The following PYGO1 variants were observed in gnomAD, a reference collection of about 807,000 sequenced individuals.
PYGO1 encodes the protein pygopus family PHD finger 1.
In PYGO1, 6 loss-of-function variants were observed where a neutral mutation model predicts 29.5. The observed-to-expected ratio is 0.20, with a 90% CI of 0.11 to 0.40. The LOEUF (loss-of-function observed/expected upper bound fraction) is 0.40. Among genes scored for constraint, PYGO1 ranks in the 10% least tolerant of loss-of-function variants. The pLI, the probability that PYGO1 is intolerant of heterozygous loss-of-function variation, is 1.00. For missense variants in PYGO1, 515 were observed against 514.9 expected (o/e 1.00, Z 0.00); for synonymous variants, 186 against 180.5 (o/e 1.03, Z -0.24).
intron 1 of PYGO1, among the ~76,000 whole-genome samples, chr15:55,575,295 A>G (rs1273269967): frequency 6.6e-6 from 1 of 152,176 alleles, no homozygotes; most frequent in African/African-American, 2.4e-5. Context: ...ATTTCTAACA[A>G]TCCCCCTCAG....
intron 1 of PYGO1, among the ~76,000 whole-genome samples, chr15:55,565,498 G>T (rs2058951832): frequency 6.6e-6 from 1 of 151,910 alleles, no homozygotes; most frequent in African/African-American, 2.4e-5. Context: ...GAGGTCAGGA[G>T]TTCGAGACCA....
In PYGO1 at chr15:55,541,165, A is replaced by T. The variant is rs1232380454; in HGVS notation, c.*4858T>A. 6.6e-6 allele frequency: 1 copy of T among 152,218 alleles called. No homozygotes were observed. The highest frequency in any genetic ancestry group is 2.4e-5 in the African/African-American group (1 of 41,466). The allele number at this position is 152,218 out of a possible 1,614,324, so 9.4% of individuals were successfully genotyped here. The stretch of plus-strand genomic sequence containing the variant: ...TCTGATGTATTAACGCCTGGCATAT[A>T]CATGGCCACAGTCTTTCCTTCATTT... On this transcript the variant is annotated 3_prime_UTR_variant, in exon 3 of 3. Coordinates refer to ENST00000563719, the MANE Select transcript of PYGO1 (RefSeq NM_001367806.1).
At chr15:55,576,760 C>CAAAAAAAAAAAAAGAAAAAA (rs10648446) in intron 1 of PYGO1, among the ~76,000 whole-genome samples, 1 of 53,544 alleles carries the variant, frequency 1.9e-5, no homozygotes, top group African/African-American at 6.3e-5. Flanking sequence ...GGCGACAGAT[C>CAAAAAAAAAAAAAGAAAAAA]AAAAAAAAGA....
At chr15:55,582,288 G>C (rs1018044986) in intron 1 of PYGO1, among the ~76,000 whole-genome samples, 1 of 151,512 alleles carries the variant, frequency 6.6e-6, no homozygotes, top group Non-Finnish European at 1.5e-5. Context: ...GATGGATAAA[G>C]ATGGCCATGT....
chr15:55,559,292 A>G (rs1314566961), intron 1 of PYGO1, among the ~76,000 whole-genome samples: 2 of 152,146 alleles, frequency 1.3e-5, no homozygotes, highest in East Asian at 1.9e-4. Flanking sequence ...ACCATCTCAC[A>G]CCAGTTAGAA....
In PYGO1 at chr15:55,545,370, T is replaced by G. The variant is rs1280116781; in HGVS notation, c.*653A>C. On this transcript the variant is annotated 3_prime_UTR_variant, in exon 3 of 3. Coordinates refer to ENST00000563719, the MANE Select transcript of PYGO1 (RefSeq NM_001367806.1). ...AGTCAATTTTCAACTGATCTAATATTAGCAATTTCATGTGGTACCATCCAC... is the reference window on the plus strand; with the variant it reads ...AGTCAATTTTCAACTGATCTAATATGAGCAATTTCATGTGGTACCATCCAC... 1 of 152,176 alleles carries G rather than the reference T, an allele frequency of 6.6e-6. No homozygotes were observed. The highest frequency in any genetic ancestry group is 1.5e-5 in the Non-Finnish European group (1 of 68,034). The allele number at this position is 152,176 out of a possible 1,614,324, so 9.4% of individuals were successfully genotyped here.
chr15:55,570,680 C>T (rs891152660), intron 1 of PYGO1, among the ~76,000 whole-genome samples: 12 of 152,084 alleles, frequency 7.9e-5, no homozygotes, highest in African/African-American at 2.9e-4. Flanking sequence ...ATACCCTGTA[C>T]CCAGTTTCCT....
chr15:55,543,259 TATC>T lies in PYGO1; in HGVS notation c.*2761_*2763del, dbSNP rs1284602584. 6.6e-6 allele frequency: 1 copy of T among 152,190 alleles called. No individual in the cohort carries two copies. The highest frequency in any genetic ancestry group is 1.5e-5 in the Non-Finnish European group (1 of 68,032). 9.4% of individuals were successfully genotyped at this position (152,190 alleles called of 1,614,324 possible). On this transcript the variant is annotated 3_prime_UTR_variant, in exon 3 of 3. Transcript: ENST00000563719. ...GTATAATAGCCTTCTTCAGACAAAT[TATC>T]ATCTGGCTATTCTTACAGTTCATCA...
At chr15:55,574,394 T>C (rs1332765331) in intron 1 of PYGO1, among the ~76,000 whole-genome samples, 2 of 152,190 alleles carry the variant, frequency 1.3e-5, no homozygotes, top group Admixed American at 6.5e-5. Context: ...TGGTGCCACG[T>C]AGGGTCTGCA....
chr15:55,569,335 GT>G (rs1464025884), intron 1 of PYGO1, among the ~76,000 whole-genome samples: 1 of 151,262 alleles, frequency 6.6e-6, no homozygotes, highest in Non-Finnish European at 1.5e-5. Flanking sequence ...CTTGAGATTA[GT>G]TTGTTCTTGT....
At chr15:55,574,196 G>A (rs2058991781) in intron 1 of PYGO1, among the ~76,000 whole-genome samples, 1 of 152,202 alleles carries the variant, frequency 6.6e-6, no homozygotes, top group South Asian at 2.1e-4. Context: ...ATTTATTGGA[G>A]AAATGAACTG....
intron 1 of PYGO1, among the ~76,000 whole-genome samples, chr15:55,562,329 C>G (rs1212100984): frequency 6.6e-6 from 1 of 152,188 alleles, no homozygotes; most frequent in Admixed American, 6.6e-5. Flanking sequence ...CCAGCAATCC[C>G]TTTCCTGGAT....
intron 1 of PYGO1, among the ~76,000 whole-genome samples, chr15:55,578,748 A>C (rs528533640): frequency 4.6e-4 from 70 of 152,236 alleles, no homozygotes; most frequent in Middle Eastern, 3.4e-3. Context: ...CTGGGTACTA[A>C]ACTCTTAGCT....
chr15:55,556,298 G>C (rs1047216460), intron 1 of PYGO1, among the ~76,000 whole-genome samples: 1 of 151,730 alleles, frequency 6.6e-6, no homozygotes, highest in Non-Finnish European at 1.5e-5. Context: ...AATCATAACA[G>C]TCTCTCACAC....
At chr15:55,575,435 CTG>C (rs966169132) in intron 1 of PYGO1, among the ~76,000 whole-genome samples, 1 of 152,144 alleles carries the variant, frequency 6.6e-6, no homozygotes, top group African/African-American at 2.4e-5. Flanking sequence ...AAAAAAATCA[CTG>C]TGTTTTTGTA....
Position 55,540,048 on chromosome 15 carries a change from C to T in PYGO1, c.*5975G>A, listed in dbSNP as rs1290599477. On this transcript the variant is annotated 3_prime_UTR_variant, in exon 3 of 3. Transcript: ENST00000563719. ...TATTACAATTCTTTTGGGTACTTGT[C>T]TTAATGACAAAATAAGAATGCTTTT... is the stretch of plus-strand genomic sequence containing the variant. 1 of 151,978 alleles carries T rather than the reference C, an allele frequency of 6.6e-6. No homozygotes were observed. The highest frequency in any genetic ancestry group is 1.5e-5 in the Non-Finnish European group (1 of 67,882). 9.4% of individuals were successfully genotyped at this position (151,978 alleles called of 1,614,324 possible). A position where few individuals can be genotyped will look rare whatever the true frequency, so the allele number is the denominator to read the frequency against.
At position 55,541,166 on chromosome 15, in the gene PYGO1, C is replaced by T. The variant is rs893168198; in HGVS notation, c.*4857G>A. 2 of 152,160 alleles carry T rather than the reference C, an allele frequency of 1.3e-5. No individual in the cohort carries two copies. The highest frequency in any genetic ancestry group is 3.2e-3 in the Middle Eastern group (1 of 316). 9.4% of individuals were successfully genotyped at this position (152,160 alleles called of 1,614,324 possible). ...CTGATGTATTAACGCCTGGCATATA[C>T]ATGGCCACAGTCTTTCCTTCATTTC... On this transcript the variant is annotated 3_prime_UTR_variant, in exon 3 of 3. Transcript: ENST00000563719.
At chr15:55,555,011 C>T (rs536335967) in intron 1 of PYGO1, among the ~76,000 whole-genome samples, 2 of 151,986 alleles carry the variant, frequency 1.3e-5, no homozygotes, top group South Asian at 4.2e-4. Context: ...ATCCAGAGAA[C>T]CCCAGTAAAA....
rs1408950985 is a variant in PYGO1 at position 55,539,560 on chromosome 15, C to A, written c.*6463G>T. ...TCTATGATCTAAATAGAAACAGACT[C>A]AGTTCTAAAAGAATGTATGTGAAAA... On this transcript the variant is annotated 3_prime_UTR_variant, in exon 3 of 3. Coordinates refer to ENST00000563719, the MANE Select transcript of PYGO1 (RefSeq NM_001367806.1). 6.6e-6 allele frequency: 1 copy of A among 151,926 alleles called. No homozygotes were observed. Among genetic ancestry groups the A allele is most frequent in the Non-Finnish European group, 1.5e-5 (1 of 67,912 alleles). The allele number at this position is 151,926 out of a possible 1,614,324, so 9.4% of individuals were successfully genotyped here.
Sources: gnomAD v4.1 joint callset for allele counts (sites outside exome capture counted in the v4.1 genomes callset) on GRCh38, gnomAD v4.1.1 for gene constraint, MANE v1.5 for transcripts, NCBI Gene and HGNC (gene_info 2026-07-23, HGNC 2026-07-21) for gene names.